The following VPS8 variants were observed in gnomAD, a reference collection of about 807,000 sequenced individuals.
VPS8 encodes vacuolar protein sorting-associated protein 8 homolog.
VPS8 carries 129 observed loss-of-function variants against 216.4 expected under a neutral mutation model. The observed-to-expected ratio is 0.60, with a 90% CI of 0.52 to 0.69. The LOEUF (loss-of-function observed/expected upper bound fraction) is 0.69, where lower values mean the gene tolerates loss of function less well. Among genes scored for constraint, VPS8 ranks in the 30% least tolerant of loss-of-function variants. The probability of loss-of-function intolerance (pLI) is 0.00; values close to 1 mark genes in which losing one functional copy is unlikely to be tolerated. For missense variants in VPS8, 1,531 were observed against 1,683.5 expected (o/e 0.91, Z 1.59); for synonymous variants, 571 against 565.4 (o/e 1.01, Z -0.14).
chr3:184,975,515 T>C (rs1749110347), intron 40 of VPS8, among the ~76,000 whole-genome samples: 2 of 152,178 alleles, frequency 1.3e-5, no homozygotes, highest in Admixed American at 1.3e-4. Context: ...TTTGATTTCC[T>C]TTTTTCCAAT....
At chr3:184,976,878 C>T (rs757521155) in intron 40 of VPS8, among the ~76,000 whole-genome samples, 5 of 151,990 alleles carry the variant, frequency 3.3e-5, no homozygotes, top group Non-Finnish European at 5.9e-5. Context: ...TGGGCACTTT[C>T]TTGAGTCCAT....
intron 30 of VPS8, 79 bp from the exon 31 acceptor site, chr3:184,926,515 G>A (rs1739678883): frequency 2.1e-6 from 3 of 1,404,050 alleles, no homozygotes; most frequent in South Asian, 2.6e-5. Context: ...TTATTTGAAA[G>A]GGTAGTTATT....
Position 184,915,923 on chromosome 3 carries a change from T to C in VPS8, c.2382+449T>C, listed in dbSNP as rs373398514. Among the ~76,000 whole-genome samples, 6 of 152,218 alleles carry C rather than the reference T, an allele frequency of 3.9e-5. No individual in the cohort carries two copies. In the East Asian group the frequency reaches 1.2e-3, roughly 29 times the overall value. On this transcript the variant is annotated intron_variant, in intron 28 of 47. Coordinates refer to ENST00000625842, the MANE Select transcript of VPS8 (RefSeq NM_001009921.3). ...CAGGGTTTCAAATGTTTAATTTTGT[T>C]GTGCTACCCATTTTTTTCTCTAGTT...
intron 23 of VPS8, among the ~76,000 whole-genome samples, chr3:184,895,599 TCCCCCCCTCCTCCTCCCCCCCTCCTCCTC>T (rs2108943425): frequency 1.0e-4 from 1 of 9,604 alleles, no homozygotes; most frequent in Non-Finnish European, 2.2e-4. Flanking sequence ...CTCCTCCTCC[TCCCCCCCTCCTCCTCCCCCCCTCCTCCTC>T]CCCCCCCCCC....
chr3:184,942,149 A>C (rs1407975114), intron 36 of VPS8, among the ~76,000 whole-genome samples: 3 of 151,872 alleles, frequency 2.0e-5, no homozygotes, highest in African/African-American at 7.3e-5. Context: ...CACTATTTAA[A>C]ATAAATATTA....
chr3:184,908,003 C>A (rs944930922), intron 25 of VPS8, among the ~76,000 whole-genome samples: 9 of 152,162 alleles, frequency 5.9e-5, no homozygotes, highest in African/African-American at 2.2e-4. Context: ...TTTTCAAAAG[C>A]CCCGCAGATC....
At chr3:184,902,407 C>CAG (rs1349908265) in intron 25 of VPS8, among the ~76,000 whole-genome samples, 1 of 151,476 alleles carries the variant, frequency 6.6e-6, no homozygotes, top group East Asian at 1.9e-4. Context: ...ACCCAGGAGG[C>CAG]AGAGGTTGCA....
intron 38 of VPS8, 56 bp downstream of exon 38, chr3:184,964,613 A>G: frequency 8.7e-7 from 1 of 1,154,402 alleles, no homozygotes. Context: ...CTATTCATTC[A>G]TGAATCCATC....
At chr3:184,966,566 T>C in intron 38 of VPS8, 105 bp from the exon 39 acceptor site, 5 of 652,830 alleles carry the variant, frequency 7.7e-6, no homozygotes, top group Non-Finnish European at 1.0e-5. Context: ...CTTAATAACC[T>C]TGTAGTTTTG....
chr3:184,862,803 A>G (rs1034893994), intron 15 of VPS8, 94 bp from the exon 16 acceptor site: 26 of 1,297,336 alleles, frequency 2.0e-5, no homozygotes, highest in African/African-American at 1.5e-4. Context: ...CAAGTCCTCA[A>G]TGTAATTTAA....
intron 7 of VPS8, among the ~76,000 whole-genome samples, chr3:184,842,186 C>CAA (rs71162267): frequency 0.013 from 606 of 47,600 alleles, 32 homozygotes; most frequent in East Asian, 0.026. Flanking sequence ...GACTCCGTCT[C>CAA]AAAAAAAAAA....
intron 36 of VPS8, among the ~76,000 whole-genome samples, chr3:184,950,778 T>C (rs565149189): frequency 2.3e-4 from 35 of 152,202 alleles, no homozygotes; most frequent in African/African-American, 7.5e-4. Flanking sequence ...CCATGTGTTC[T>C]CATCGTTCAG....
chr3:184,980,440 A>G (rs1308385806), intron 40 of VPS8, among the ~76,000 whole-genome samples: 1 of 151,932 alleles, frequency 6.6e-6, no homozygotes, highest in Non-Finnish European at 1.5e-5. Flanking sequence ...AGGAATGCCA[A>G]AGGTTTGGTG....
chr3:184,821,870 T>C (rs1717673769), intron 1 of VPS8, among the ~76,000 whole-genome samples: 1 of 152,124 alleles, frequency 6.6e-6, no homozygotes, highest in Non-Finnish European at 1.5e-5. Flanking sequence ...GAAATATCTC[T>C]TCCTCATCAG....
intron 21 of VPS8, among the ~76,000 whole-genome samples, chr3:184,878,199 C>G (rs1729618029): frequency 6.6e-6 from 1 of 151,784 alleles, no homozygotes; most frequent in African/African-American, 2.4e-5. Context: ...CAACCTCTGC[C>G]TCCCGGGTTC....
chr3:184,916,187 A>G (rs1177326759), intron 28 of VPS8, among the ~76,000 whole-genome samples: 1 of 152,174 alleles, frequency 6.6e-6, no homozygotes, highest in Admixed American at 6.5e-5. Context: ...TGCTGAAAAA[A>G]CACCTTTATA....
At chr3:184,925,379 A>G (rs1739403668) in intron 30 of VPS8, among the ~76,000 whole-genome samples, 1 of 152,178 alleles carries the variant, frequency 6.6e-6, no homozygotes, top group South Asian at 2.1e-4. Flanking sequence ...TTAAATAGCT[A>G]TTTTTCCACA....
At chr3:184,882,769 A>G (rs975608911) in intron 21 of VPS8, among the ~76,000 whole-genome samples, 1 of 152,116 alleles carries the variant, frequency 6.6e-6, no homozygotes, top group African/African-American at 2.4e-5. Flanking sequence ...GAGCTGTTTC[A>G]TGTTAAGTGA....
intron 5 of VPS8, 193 bp downstream of exon 5, chr3:184,834,935 G>C: frequency 2.2e-6 from 1 of 461,996 alleles, no homozygotes; most frequent in South Asian, 4.5e-5. Flanking sequence ...AATTAGTGCA[G>C]CCATGAAAAT....
Sources: gnomAD v4.1 joint callset for allele counts (sites outside exome capture counted in the v4.1 genomes callset) on GRCh38, gnomAD v4.1.1 for gene constraint, MANE v1.5 for transcripts, NCBI Gene and HGNC (gene_info 2026-07-23, HGNC 2026-07-21) for gene names.